MUC12: variants seen among roughly 807,000 people sequenced by gnomAD.
MUC12 encodes the protein mucin-12.
A neutral mutation model predicts 230.8 loss-of-function variants in MUC12; 172 were observed. That is an observed-to-expected ratio of 0.75 (90% CI 0.66 to 0.85). The LOEUF is 0.85. Among genes scored for constraint, MUC12 ranks in the 40% least tolerant of loss-of-function variants. The pLI, the probability that MUC12 is intolerant of heterozygous loss-of-function variation, is 0.00. For synonymous variants in MUC12, 1,259 were observed against 2,401.9 expected, an observed-to-expected ratio of 0.52 and a Z score of 13.91; for missense variants, 3,506 against 5,920.6, an observed-to-expected ratio of 0.59 and a Z score of 13.38.
At chr7:100,969,859 A>C (rs1474757561) in intron 1 of MUC12, among the ~76,000 whole-genome samples, 170 bp downstream of exon 1, 1 of 152,300 alleles carries the variant, frequency 6.6e-6, no homozygotes, top group African/African-American at 2.4e-5. Context: ...GGGGGTGCTG[A>C]AGAGGTCACT....
In MUC12 at chr7:100,991,780, C is replaced by A; in HGVS notation, c.1217C>A (p.Ala406Asp). The change falls in exon 2 of 12, where the codon GCC becomes GAC. Residue 406 changes from alanine (A) to aspartate (D), a missense_variant. By Grantham distance (126) the Ala-to-Asp change is moderately radical. Coordinates refer to ENST00000536621, the MANE Select transcript of MUC12 (RefSeq NM_001164462.2). ...TKSSTPSTTAALAHTSYHSSL... is the reference protein window; with the variant it reads ...TKSSTPSTTADLAHTSYHSSL... ...TCTTCAACTCCTAGCACCACAGCTG[C>A]CCTAGCACATACAAGCTACCACAGC... 1 of 1,537,942 alleles carries A rather than the reference C, an allele frequency of 6.5e-7. No homozygotes were observed. The highest frequency in any genetic ancestry group is 1.4e-5 in the African/African-American group (1 of 73,166).
At chr7:101,005,625 CTTTA>C in intron 2 of MUC12, 106 bp downstream of exon 2, 1 of 1,342,738 alleles carries the variant, frequency 7.4e-7, no homozygotes, top group Non-Finnish European at 9.9e-7. Flanking sequence ...CTGTCTTCCA[CTTTA>C]CTTGGGTCTA....
Position 101,004,389 on chromosome 7 carries a change from C to A in MUC12, c.13826C>A (p.Pro4609Gln), listed in dbSNP as rs757546809. The A allele has an allele frequency of 3.4e-5, 51 of 1,489,488 alleles. No homozygotes were observed. Among genetic ancestry groups the A allele is most frequent in the Middle Eastern group, 2.3e-4 (1 of 4,352 alleles). 92.3% of individuals were successfully genotyped at this position (1,489,488 alleles called of 1,614,324 possible). The change falls in exon 2 of 12, where the codon CCG becomes CAG. Residue 4609 changes from proline (P) to glutamine (Q), a missense_variant. By Grantham distance (76) the Pro-to-Gln change is moderately conservative. Coordinates refer to ENST00000536621, the MANE Select transcript of MUC12 (RefSeq NM_001164462.2). ...VEESTAYHSSPGSTQTMHFPE... is the reference protein window; with the variant it reads ...VEESTAYHSSQGSTQTMHFPE... ...GAATCTACGGCGTACCACAGCAGCC[C>A]GGGCTCAACTCAAACAATGCACTTC...
intron 1 of MUC12, among the ~76,000 whole-genome samples, chr7:100,975,340 G>C (rs1216560981): frequency 6.6e-6 from 1 of 152,310 alleles, no homozygotes; most frequent in Non-Finnish European, 1.5e-5. Flanking sequence ...GCGCTCTTTA[G>C]CTTAGAAAGG....
chr7:101,004,711 C>T lies in MUC12; in HGVS notation c.14148C>T (p.Ile4716=). 6.5e-7 allele frequency: 1 copy of T among 1,537,068 alleles called. No individual in the cohort carries two copies. Among genetic ancestry groups the T allele is most frequent in the Non-Finnish European group, 8.7e-7 (1 of 1,146,412 alleles). ...GRIAESTTFY[I]SPGSMETTLA... is the part of the protein sequence containing the mutation. ...TTGCAGAATCTACCACCTTCTATAT[C>T]TCTCCAGGCTCAATGGAAACAACAT... Residue 4716 remains isoleucine, a synonymous_variant, in exon 2 of 12, where the codon ATC becomes ATT. Transcript: ENST00000536621.
At position 100,993,473 on chromosome 7, in the gene MUC12, TG is replaced by T; in HGVS notation, c.2912del (p.Gly971AlafsTer115). Reference sequence around the variant, plus strand: ...CATCTACACGCGTCCACAGCAGCACTGGCTCACCACGCACAACACTGTCCCC... The same window carrying T: ...CATCTACACGCGTCCACAGCAGCACTGCTCACCACGCACAACACTGTCCCC... ...EASTRVHSST[G>X]SPRTTLSPAS... On this transcript the variant is annotated frameshift_variant, in exon 2 of 12. Coordinates refer to ENST00000536621, the MANE Select transcript of MUC12 (RefSeq NM_001164462.2). LOFTEE classifies it high-confidence loss of function. The T allele has an allele frequency of 3.9e-6, 4 of 1,021,474 alleles. 2 individuals carry two copies. The highest frequency in any genetic ancestry group is 5.3e-6 in the Non-Finnish European group (4 of 757,850). The allele number at this position is 1,021,474 out of a possible 1,614,324, so 63.3% of individuals were successfully genotyped here. A position where few individuals can be genotyped will look rare whatever the true frequency, so the allele number is the denominator to read the frequency against.
rs1289416343 is a variant in MUC12 at position 100,995,468 on chromosome 7, C to G, written c.4905C>G (p.Phe1635Leu). ...ASSLGPESTT[F>L]HSSPGSTETT... ...CCCTTGGTCCAGAATCTACTACTTT[C>G]CACAGCAGCCCAGGCTCCACTGAAA... is the stretch of plus-strand genomic sequence containing the variant. Residue 1635 changes from phenylalanine (F) to leucine (L), a missense_variant, in exon 2 of 12, where the codon TTC becomes TTG. Phe to Leu is a conservative substitution (Grantham distance 22). Transcript: ENST00000536621. 4 of 1,531,220 alleles carry G rather than the reference C, an allele frequency of 2.6e-6. No individual in the cohort carries two copies. The East Asian group carries it at 7.3e-5, about 28-fold the overall frequency. The allele number at this position is 1,531,220 out of a possible 1,614,324, so 94.9% of individuals were successfully genotyped here. A position where few individuals can be genotyped will look rare whatever the true frequency, so the allele number is the denominator to read the frequency against.
At position 100,992,432 on chromosome 7, in the gene MUC12, C is replaced by A. The variant is rs1220026327; in HGVS notation, c.1869C>A (p.Gly623=). 7.8e-6 allele frequency: 12 copies of A among 1,537,980 alleles called. No individual in the cohort carries two copies. The highest frequency in any genetic ancestry group is 9.6e-6 in the Non-Finnish European group (11 of 1,147,066). Residue 623 remains glycine (G), a synonymous_variant, in exon 2 of 12, where the codon GGC becomes GGA. Transcript: ENST00000536621. ...CACACACAACACTGTCCCCTGCCGG[C>A]TCTACAACCCGTCAGGGAGAATCTA... ...RSPHTTLSPA[G]STTRQGESTT...
intron 1 of MUC12, among the ~76,000 whole-genome samples, chr7:100,989,238 A>G (rs1251962816): frequency 6.6e-6 from 1 of 151,412 alleles, no homozygotes; most frequent in Non-Finnish European, 1.5e-5. Flanking sequence ...CCTCCCAAGT[A>G]GCTGGGATTA....
chr7:100,975,539 G>A (rs1337876315), intron 1 of MUC12, among the ~76,000 whole-genome samples: 2 of 152,312 alleles, frequency 1.3e-5, no homozygotes, highest in East Asian at 3.8e-4. Context: ...ACCAAAGGCT[G>A]GCTCTGCTTG....
At chr7:100,990,100 C>G (rs566786731) in intron 1 of MUC12, among the ~76,000 whole-genome samples, 3 of 152,180 alleles carry the variant, frequency 2.0e-5, no homozygotes, top group Non-Finnish European at 4.4e-5. Flanking sequence ...GGGTCTATAA[C>G]AGGGGTCCCC....
At chr7:100,969,984 A>AAG (rs1792825108) in intron 1 of MUC12, among the ~76,000 whole-genome samples, 3 of 152,310 alleles carry the variant, frequency 2.0e-5, no homozygotes, top group East Asian at 1.9e-4. Flanking sequence ...GGGAGGATGA[A>AAG]GGGGCTTTTG....
At position 101,004,749 on chromosome 7, in the gene MUC12, C is replaced by T. The variant is rs1283638229; in HGVS notation, c.14186C>T (p.Ala4729Val). 8 of 1,536,918 alleles carry T rather than the reference C, an allele frequency of 5.2e-6. No homozygotes were observed. In the South Asian group the frequency reaches 6.0e-5, roughly 11 times the overall value. The change falls in exon 2 of 12, where the codon GCC (alanine) becomes GTC (valine). Residue 4729 changes from alanine (A) to valine (V), a missense_variant. Ala to Val is a moderately conservative substitution (Grantham distance 64). Transcript: ENST00000536621. ...GSMETTLASTATTPGLSAKST... is the reference protein window; with the variant it reads ...GSMETTLASTVTTPGLSAKST... ...ATGGAAACAACATTAGCCAGCACTG[C>T]CACAACACCAGGCCTCAGTGCAAAA...
In MUC12 at chr7:100,991,552, C is replaced by A. The variant is rs1295212412; in HGVS notation, c.989C>A (p.Ser330Ter). Residue 330 changes from serine (S) to a stop codon, truncating the protein, a stop_gained, in exon 2 of 12, where the codon TCG becomes TAG. Coordinates refer to ENST00000536621, the MANE Select transcript of MUC12 (RefSeq NM_001164462.2). LOFTEE classifies it high-confidence loss of function. ...ACAACCTTGGGCCATAGTGAGGAATCGACACCAGTCCACAGCAGCCCAGTT... is the reference window on the plus strand; with the variant it reads ...ACAACCTTGGGCCATAGTGAGGAATAGACACCAGTCCACAGCAGCCCAGTT... ...SSTTLGHSEE[S>*]TPVHSSPVAT... is the part of the protein sequence containing the mutation. The A allele has an allele frequency of 1.6e-5, 24 of 1,537,216 alleles. No homozygotes were observed. In the Admixed American group the frequency reaches 4.7e-4, roughly 30 times the overall value.
At chr7:101,008,843 C>A (rs1012107988) in intron 4 of MUC12, 82 bp downstream of exon 4, 7 of 1,458,018 alleles carry the variant, frequency 4.8e-6, no homozygotes, top group Admixed American at 2.3e-5. Context: ...ACTTAGTGAT[C>A]TGAGTTCTTC....
In MUC12 at chr7:100,995,533, T is replaced by G. The variant is rs1258665936; in HGVS notation, c.4970T>G (p.Leu1657Arg). 25 of 1,536,046 alleles carry G rather than the reference T, an allele frequency of 1.6e-5. No individual in the cohort carries two copies. Among genetic ancestry groups the G allele is most frequent in the Non-Finnish European group, 2.1e-5 (24 of 1,146,872 alleles). ...GACAACACCACAGCCTCAGGCCTCC[T>G]TGAAGCATCTACGCCCGTCCACAGC... is the stretch of plus-strand genomic sequence containing the variant. ...LPDNTTASGL[L>R]EASTPVHSST... Residue 1657 changes from leucine (L) to arginine (R), a missense_variant, in exon 2 of 12, where the codon CTT becomes CGT. Leu to Arg is a moderately radical substitution (Grantham distance 102). Coordinates refer to ENST00000536621, the MANE Select transcript of MUC12 (RefSeq NM_001164462.2).
In MUC12 at chr7:101,017,612, C is replaced by A. The variant is rs562943799; in HGVS notation, c.15915C>A (p.Asn5305Lys). The A allele has an allele frequency of 4.6e-6, 7 of 1,536,078 alleles. No homozygotes were observed. Among genetic ancestry groups the A allele is most frequent in the Admixed American group, 2.0e-5 (1 of 50,944 alleles). The change falls in exon 11 of 12, where the codon AAC (asparagine) becomes AAA (lysine). Residue 5305 changes from asparagine (N) to lysine (K), a missense_variant. Transcript: ENST00000536621. Reference protein sequence around the residue: ...NLRESRFGLENAYNNFRPTLE... With the variant: ...NLRESRFGLEKAYNNFRPTLE... ...GGGAGAGCAGATTCGGCCTTGAGAA[C>A]GCCTACAACAACTTCCGGCCCACCC... is the stretch of plus-strand genomic sequence containing the variant.
intron 1 of MUC12, among the ~76,000 whole-genome samples, chr7:100,989,105 T>C: frequency 6.8e-6 from 1 of 147,228 alleles, no homozygotes; most frequent in Admixed American, 6.7e-5. Flanking sequence ...TCTTCTTTTT[T>C]TTTTTTTTTT....
At chr7:100,980,027 C>T (rs1259034262) in intron 1 of MUC12, among the ~76,000 whole-genome samples, 1 of 150,846 alleles carries the variant, frequency 6.6e-6, no homozygotes, top group Non-Finnish European at 1.5e-5. Flanking sequence ...TCGCCTCTCT[C>T]TCTTTTTTTT....
Sources: allele counts gnomAD v4.1 joint callset (sites outside exome capture counted in the v4.1 genomes callset), GRCh38; gene constraint gnomAD v4.1.1; transcripts MANE v1.5; gene names NCBI Gene and HGNC (gene_info 2026-07-23, HGNC 2026-07-21).